Variants in NOSTRIN observed in about 807,000 individuals in gnomAD.
NOSTRIN encodes the protein nitric oxide synthase trafficking, also known as BM247 homolog.
Under a neutral mutation model 59.0 loss-of-function variants are expected in NOSTRIN, and 63 were observed. That is an observed-to-expected ratio of 1.07 (90% confidence interval 0.87 to 1.32). The LOEUF (loss-of-function observed/expected upper bound fraction) is 1.32. Ranked by LOEUF, NOSTRIN falls within the 40% of genes most tolerant of loss-of-function variation. The pLI is 0.00. For missense variants in NOSTRIN, 512 were observed against 473.1 expected (o/e 1.08, Z -0.76); for synonymous variants, 200 against 165.4 (o/e 1.21, Z -1.61).
intron 5 of NOSTRIN, 127 bp from the exon 6 acceptor site, chr2:168,831,345 T>TC: frequency 1.6e-6 from 1 of 622,640 alleles, no homozygotes; most frequent in Non-Finnish European, 3.0e-6. Context: ...AGCCTCCACC[T>TC]CCAAATACCA....
At chr2:168,863,919 T>A (rs1260782776) in intron 15 of NOSTRIN, among the ~76,000 whole-genome samples, 1 of 150,226 alleles carries the variant, frequency 6.7e-6, no homozygotes, top group African/African-American at 2.4e-5. Context: ...CTTTTTTTAT[T>A]TTTTTTTTTG....
rs1689790370 is a variant in NOSTRIN at position 168,865,188 on chromosome 2, T to C, written c.*218T>C. ...GACAAGGAAGAGGCTCCTTGGTTCC[T>C]AGAGGAGTTTCCAAATTCTAGGAGA... On this transcript the variant is annotated 3_prime_UTR_variant, in exon 16 of 16. Transcript: ENST00000317647. 5.6e-6 allele frequency: 3 copies of C among 540,390 alleles called. No homozygotes were observed. Among genetic ancestry groups the C allele is most frequent in the Non-Finnish European group, 9.7e-6 (3 of 310,276 alleles). The allele number at this position is 540,390 out of a possible 1,614,324, so 33.5% of individuals were successfully genotyped here.
Position 168,864,856 on chromosome 2 carries a change from G to T in NOSTRIN, c.1407G>T (p.Glu469Asp), listed in dbSNP as rs372892123. The T allele has an allele frequency of 2.8e-4, 447 of 1,613,856 alleles. 1 individual carries two copies. Among genetic ancestry groups the T allele is most frequent in the Non-Finnish European group, 3.7e-4 (431 of 1,179,880 alleles). Reference sequence around the variant, plus strand: ...CAGGTGACATTGTGATTATACACGAGAAAAAAGAAGGAGGATGGTGGTTTG... The same window carrying T: ...CAGGTGACATTGTGATTATACACGATAAAAAAGAAGGAGGATGGTGGTTTG... ...LEKGDIVIIH[E>D]KKEGGWWFGS... The change falls in exon 16 of 16, where the codon GAG (glutamate) becomes GAT (aspartate). Residue 469 changes from glutamate (E) to aspartate (D), a missense_variant. Glu to Asp is a conservative substitution (Grantham distance 45). Transcript: ENST00000317647.
Position 168,863,168 on chromosome 2 carries a change from C to T in NOSTRIN, c.1384+1119C>T, listed in dbSNP as rs537980140. On this transcript the variant is annotated intron_variant, in intron 15 of 15. Transcript: ENST00000317647. ...TTATACTTTATATTCTAAGCAGTTT[C>T]TTTAAATGAAACACGACGTTGGAGC... 1.5e-3 allele frequency among the ~76,000 whole-genome samples: 230 copies of T among 152,238 alleles called. 2 individuals are homozygous for T. Among genetic ancestry groups the T allele is most frequent in the Non-Finnish European group, 2.8e-3 (188 of 68,008 alleles).
intron 12 of NOSTRIN, among the ~76,000 whole-genome samples, chr2:168,858,781 C>T (rs1281273380): frequency 6.6e-6 from 1 of 152,116 alleles, no homozygotes; most frequent in Non-Finnish European, 1.5e-5. Flanking sequence ...AATTCCCATG[C>T]TGGAGGTGTG....
At chr2:168,818,841 A>AT (rs5836205) in intron 2 of NOSTRIN, among the ~76,000 whole-genome samples, 104,782 of 151,756 alleles carry the variant, frequency 0.69, 36,508 homozygotes, top group East Asian at 0.88. Flanking sequence ...ATATTAAAAA[A>AT]TTTTTTTAAT....
intron 8 of NOSTRIN, chr2:168,850,859 T>C (rs1345900959): frequency 1.3e-6 from 1 of 796,090 alleles, no homozygotes; most frequent in Non-Finnish European, 2.1e-6. Context: ...TCTGCCTATA[T>C]GCCTTTTGGG....
rs766659292 is a variant in NOSTRIN at position 168,811,610 on chromosome 2, G to T, written c.71G>T (p.Gly24Val). Residue 24 changes from glycine (G) to valine (V), a missense_variant, in exon 2 of 16, where the codon GGA (glycine) becomes GTA (valine). Physicochemically the swap from Gly to Val is moderately radical, Grantham distance 109. Transcript: ENST00000317647. ...AACCTAAAGGAGTTTTCTCAAAATG[G>T]AGAGAATTTCTGCAAACAGGTCACA... Reference protein sequence around the residue: ...YKNLKEFSQNGENFCKQVTSV... With the variant: ...YKNLKEFSQNVENFCKQVTSV... The T allele has an allele frequency of 1.2e-6, 1 of 863,494 alleles. No individual in the cohort carries two copies. The highest frequency in any genetic ancestry group is 1.3e-5 in the South Asian group (1 of 74,194). The allele number at this position is 863,494 out of a possible 1,614,324, so 53.5% of individuals were successfully genotyped here. A position where few individuals can be genotyped will look rare whatever the true frequency, so the allele number is the denominator to read the frequency against.
At chr2:168,858,016 C>T (rs927810922) in intron 12 of NOSTRIN, among the ~76,000 whole-genome samples, 6 of 152,152 alleles carry the variant, frequency 3.9e-5, no homozygotes, top group African/African-American at 1.4e-4. Flanking sequence ...CTGCAATGAC[C>T]CGTGGCTACA....
At chr2:168,792,732 G>A (rs969848800) in intron 2 of NOSTRIN, among the ~76,000 whole-genome samples, 1 of 151,896 alleles carries the variant, frequency 6.6e-6, no homozygotes, top group Non-Finnish European at 1.5e-5. Context: ...CACCTGCCTC[G>A]GCCTCCGAAA....
chr2:168,800,232 A>T (rs772918355), upstream of NOSTRIN, among the ~76,000 whole-genome samples: 1 of 152,232 alleles, frequency 6.6e-6, no homozygotes. Context: ...GAGTGAGGTC[A>T]GGGGACACCT....
intron 10 of NOSTRIN, among the ~76,000 whole-genome samples, chr2:168,852,972 A>G (rs573981293): frequency 1.3e-5 from 2 of 152,138 alleles, no homozygotes; most frequent in African/African-American, 4.8e-5. Context: ...AAATAAATCT[A>G]TTTTCTTACA....
At chr2:168,838,374 G>A (rs181542012) in intron 7 of NOSTRIN, among the ~76,000 whole-genome samples, 171 of 152,248 alleles carry the variant, frequency 1.1e-3, no homozygotes, top group Non-Finnish European at 2.3e-3. Flanking sequence ...CAAGTAGCTG[G>A]GAGTACAGGC....
chr2:168,824,791 T>TG (rs59521327), intron 3 of NOSTRIN, 74 bp downstream of exon 3: 36 of 785,660 alleles, frequency 4.6e-5, no homozygotes, highest in South Asian at 5.9e-5. Context: ...TTTGTTTGTT[T>TG]TTTGAGACAG....
At chr2:168,826,108 G>A (rs1687047661) in intron 3 of NOSTRIN, among the ~76,000 whole-genome samples, 2 of 152,186 alleles carry the variant, frequency 1.3e-5, no homozygotes, top group Non-Finnish European at 2.9e-5. Flanking sequence ...TATGGTTGCT[G>A]TGAGAATTAA....
chr2:168,831,609 T>C, intron 6 of NOSTRIN, 75 bp downstream of exon 6: 1 of 784,742 alleles, frequency 1.3e-6, no homozygotes, highest in South Asian at 1.4e-5. Context: ...ACAAATGCGA[T>C]GACATGTTCT....
intron 1 of NOSTRIN, among the ~76,000 whole-genome samples, chr2:168,807,136 C>A (rs1055471625): frequency 1.4e-4 from 21 of 152,174 alleles, no homozygotes; most frequent in South Asian, 6.2e-4. Flanking sequence ...TCCATGGAAC[C>A]CTTTCAGAGT....
chr2:168,839,036 T>A (rs1325049897), intron 7 of NOSTRIN, among the ~76,000 whole-genome samples: 3 of 152,060 alleles, frequency 2.0e-5, no homozygotes, highest in Non-Finnish European at 4.4e-5. Context: ...CTGCCCGACT[T>A]GGCCTCCCAA....
At chr2:168,807,265 T>C (rs1272659178) in intron 1 of NOSTRIN, among the ~76,000 whole-genome samples, 3 of 151,750 alleles carry the variant, frequency 2.0e-5, no homozygotes, top group Non-Finnish European at 4.4e-5. Flanking sequence ...CACACACACA[T>C]ACATACACAC....
Sources: allele counts gnomAD v4.1 joint callset (sites outside exome capture counted in the v4.1 genomes callset), GRCh38; gene constraint gnomAD v4.1.1; transcripts MANE v1.5; gene names NCBI Gene and HGNC (gene_info 2026-07-23, HGNC 2026-07-21).